SAMD5: variants seen among roughly 807,000 people sequenced by gnomAD.
SAMD5 encodes sterile alpha motif domain-containing protein 5.
In SAMD5, 13 loss-of-function variants were observed where a neutral mutation model predicts 11.3. That is an observed-to-expected ratio of 1.15 (90% CI 0.75 to 1.83). The LOEUF (loss-of-function observed/expected upper bound fraction) is 1.83. Among genes scored for constraint, SAMD5 ranks in the 40% most tolerant of loss-of-function variants. SAMD5 has a pLI of 0.00. For missense variants in SAMD5, 255 were observed against 239.1 expected, an observed-to-expected ratio of 1.07 and a Z score of -0.44; for synonymous variants, 129 against 111.3, an observed-to-expected ratio of 1.16 and a Z score of -1.00.
the SAMD5 span, among the ~76,000 whole-genome samples, chr6:147,872,460 A>G: frequency 6.6e-6 from 1 of 152,208 alleles, no homozygotes; most frequent in Non-Finnish European, 1.5e-5. Flanking sequence ...CTTTGCCTGA[A>G]TTAACTAATT....
At chr6:147,778,441 A>C in the SAMD5 span, among the ~76,000 whole-genome samples, 1 of 152,166 alleles carries the variant, frequency 6.6e-6, no homozygotes, top group African/African-American at 2.4e-5. Flanking sequence ...CCGAAGGCAG[A>C]TTCCAAGCCC....
At chr6:147,878,728 A>G in the SAMD5 span, among the ~76,000 whole-genome samples, 3 of 151,252 alleles carry the variant, frequency 2.0e-5, no homozygotes, top group East Asian at 3.9e-4. Flanking sequence ...CTGTATATCT[A>G]TATATAGGTC....
intron 1 of SAMD5, among the ~76,000 whole-genome samples, chr6:147,527,512 C>A (rs1178118595): frequency 6.6e-6 from 1 of 152,208 alleles, no homozygotes; most frequent in Non-Finnish European, 1.5e-5. Flanking sequence ...CCACCTCCAG[C>A]ACTGGGGATT....
chr6:147,842,927 T>G, the SAMD5 span, among the ~76,000 whole-genome samples: 1 of 152,320 alleles, frequency 6.6e-6, no homozygotes, highest in Admixed American at 6.5e-5. Context: ...TGGCACGATC[T>G]TGACTCATTG....
At chr6:147,645,886 G>C (rs1028000185) in intron 1 of SAMD5, among the ~76,000 whole-genome samples, 1 of 152,128 alleles carries the variant, frequency 6.6e-6, no homozygotes, top group Non-Finnish European at 1.5e-5. Flanking sequence ...ATACATCCAC[G>C]GGCCGGAACT....
At chr6:147,862,587 A>G in the SAMD5 span, among the ~76,000 whole-genome samples, 1 of 152,230 alleles carries the variant, frequency 6.6e-6, no homozygotes, top group Non-Finnish European at 1.5e-5. Flanking sequence ...GAAAGGCCAG[A>G]TGTGAGGGAA....
chr6:147,790,732 A>ATC, the SAMD5 span, among the ~76,000 whole-genome samples: 4,769 of 84,938 alleles, frequency 0.056, 283 homozygotes, highest in Middle Eastern at 0.11. Context: ...GAATTGGTCG[A>ATC]TCTCTCTCTC....
intron 1 of SAMD5, among the ~76,000 whole-genome samples, chr6:147,727,664 G>C (rs1716378636): frequency 6.7e-6 from 1 of 148,230 alleles, no homozygotes; most frequent in African/African-American, 2.5e-5. Flanking sequence ...TAGGCATCTG[G>C]CTTTTTTTTT....
chr6:147,566,672 A>G lies in SAMD5; in HGVS notation c.*2216A>G, dbSNP rs928787215. 4 of 984,220 alleles carry G rather than the reference A, an allele frequency of 4.1e-6. No homozygotes were observed. The highest frequency in any genetic ancestry group is 3.6e-6 in the Non-Finnish European group (3 of 828,642). 61.0% of individuals were successfully genotyped at this position (984,220 alleles called of 1,614,324 possible). A position where few individuals can be genotyped will look rare whatever the true frequency, so the allele number is the denominator to read the frequency against. On this transcript the variant is annotated 3_prime_UTR_variant, in exon 2 of 2. Transcript: ENST00000367474. ...TGTCTGTGGTTAGAATTTGAAAATA[A>G]CAATGCTCTGCTTAAAGTAAGAGTC...
chr6:147,952,623 G>A, the SAMD5 span, among the ~76,000 whole-genome samples: 2 of 152,150 alleles, frequency 1.3e-5, no homozygotes, highest in South Asian at 4.1e-4. Context: ...TGATTCTCCT[G>A]CCTCAGCCTC....
intron 1 of SAMD5, among the ~76,000 whole-genome samples, chr6:147,582,747 T>A (rs1437560147): frequency 6.6e-6 from 1 of 152,248 alleles, no homozygotes; most frequent in Non-Finnish European, 1.5e-5. Context: ...TGCATGATTC[T>A]AATTTTGAAA....
intron 1 of SAMD5, among the ~76,000 whole-genome samples, chr6:147,640,289 C>T (rs528742075): frequency 6.7e-6 from 1 of 150,238 alleles, no homozygotes; most frequent in Non-Finnish European, 1.5e-5. Flanking sequence ...ATCCATACCA[C>T]TGCACTCCAG....
chr6:147,606,445 A>T (rs141403236), intron 1 of SAMD5, among the ~76,000 whole-genome samples: 206 of 152,052 alleles, frequency 1.4e-3, no homozygotes, highest in Admixed American at 2.7e-3. Flanking sequence ...GGCAGGCCTG[A>T]TGGCCCACGG....
At position 147,564,622 on chromosome 6, in the gene SAMD5, G is replaced by A; in HGVS notation, c.*166G>A. 3 of 1,414,962 alleles carry A rather than the reference G, an allele frequency of 2.1e-6. No individual in the cohort carries two copies. Among genetic ancestry groups the A allele is most frequent in the South Asian group, 3.0e-5 (2 of 66,240 alleles). 87.7% of individuals were successfully genotyped at this position (1,414,962 alleles called of 1,614,324 possible). A position where few individuals can be genotyped will look rare whatever the true frequency, so the allele number is the denominator to read the frequency against. On this transcript the variant is annotated 3_prime_UTR_variant, in exon 2 of 2. Coordinates refer to ENST00000367474, the MANE Select transcript of SAMD5 (RefSeq NM_001030060.3). ...TCTGGAATAATCAACTTAGTAAACT[G>A]GGTAACTGGCTTATAACAGCTAGAA...
At chr6:147,640,506 A>AAAAAAAAAAAAAAAAAAAAAAAAAAAAC in intron 1 of SAMD5, among the ~76,000 whole-genome samples, 1 of 147,062 alleles carries the variant, frequency 6.8e-6, no homozygotes, top group African/African-American at 2.6e-5. Context: ...GCAAAAAAAA[A>AAAAAAAAAAAAAAAAAAAAAAAAAAAAC]AAAAAAAAAA....
chr6:147,551,421 C>T (rs1788769984), intron 1 of SAMD5, among the ~76,000 whole-genome samples: 1 of 152,114 alleles, frequency 6.6e-6, no homozygotes, highest in Non-Finnish European at 1.5e-5. Context: ...ATACCATTTT[C>T]TTTTAACGTA....
At position 147,669,476 on chromosome 6, in the gene SAMD5, G is replaced by T. The variant is rs1234192305; in HGVS notation, c.163-67841G>T. Among the ~76,000 whole-genome samples the T allele has an allele frequency of 2.9e-5, 4 of 137,286 alleles. No individual in the cohort carries two copies. The South Asian group carries it at 6.9e-4, about 24-fold the overall frequency. The allele number at this position is 137,286 out of a possible 152,430, so 90.1% of individuals were successfully genotyped here. On this transcript the variant is annotated intron_variant, in intron 1 of 1. Transcript: ENST00000566741. ...AGAGTTTCATGCTGTCACCCAGGCT[G>T]GAGTGCAGTGTCATGGTCTCGGCTC...
the SAMD5 span, among the ~76,000 whole-genome samples, chr6:147,805,953 C>T: frequency 6.6e-6 from 1 of 151,988 alleles, no homozygotes; most frequent in South Asian, 2.1e-4. Flanking sequence ...GTAGCATACC[C>T]CTCACTCTAG....
At chr6:147,627,913 T>C (rs955389313) in intron 1 of SAMD5, among the ~76,000 whole-genome samples, 5 of 152,236 alleles carry the variant, frequency 3.3e-5, no homozygotes, top group African/African-American at 1.2e-4. Flanking sequence ...TTCCTGCCAG[T>C]CAATTATTGT....
Sources: allele counts gnomAD v4.1 joint callset (sites outside exome capture counted in the v4.1 genomes callset), GRCh38; gene constraint gnomAD v4.1.1; transcripts MANE v1.5; gene names NCBI Gene and HGNC (gene_info 2026-07-23, HGNC 2026-07-21).